Variants in ARAP2 observed in about 807,000 individuals in gnomAD.
ARAP2 encodes arf-GAP with Rho-GAP domain, ANK repeat and PH domain-containing protein 2.
A neutral mutation model predicts 194.5 loss-of-function variants in ARAP2; 148 were observed. The observed-to-expected ratio is 0.76, with a 90% confidence interval of 0.67 to 0.87. The LOEUF is 0.87. Among genes scored for constraint, ARAP2 ranks in the 40% least tolerant of loss-of-function variants. ARAP2 has a pLI of 0.00. For synonymous variants in ARAP2, 695 were observed against 683.5 expected, an observed-to-expected ratio of 1.02 and a Z score of -0.26; for missense variants, 2,128 against 1,989.7, an observed-to-expected ratio of 1.07 and a Z score of -1.32.
chr4:36,169,283 G>A (rs571125283), intron 9 of ARAP2, among the ~76,000 whole-genome samples: 3 of 152,252 alleles, frequency 2.0e-5, no homozygotes, highest in Non-Finnish European at 4.4e-5. Flanking sequence ...TCTGACGGGG[G>A]CCTGGCCTGT....
intron 6 of ARAP2, among the ~76,000 whole-genome samples, chr4:36,202,857 A>G (rs1744697350): frequency 6.6e-6 from 1 of 152,224 alleles, no homozygotes; most frequent in Admixed American, 6.5e-5. Context: ...GGACAGTAAC[A>G]ATATCTAGAA....
intron 7 of ARAP2, 118 bp downstream of exon 7, chr4:36,193,460 C>T (rs530974800): frequency 5.4e-6 from 3 of 550,908 alleles, no homozygotes; most frequent in Admixed American, 3.9e-5. Context: ...TTAGTTGCAA[C>T]TTCAAATTCT....
At chr4:36,241,113 G>A (rs544139443) in intron 1 of ARAP2, among the ~76,000 whole-genome samples, 1 of 152,232 alleles carries the variant, frequency 6.6e-6, no homozygotes, top group South Asian at 2.1e-4. Flanking sequence ...GGATATCAGA[G>A]AATAATTTAT....
At chr4:36,192,506 T>C (rs1369798848) in intron 7 of ARAP2, among the ~76,000 whole-genome samples, 1 of 152,170 alleles carries the variant, frequency 6.6e-6, no homozygotes, top group Non-Finnish European at 1.5e-5. Flanking sequence ...AACAGTTTTA[T>C]GGCATGGAAG....
chr4:36,041,312 A>G (rs1473968943), intron 5 of ARAP2, among the ~76,000 whole-genome samples: 1 of 152,178 alleles, frequency 6.6e-6, no homozygotes, highest in Non-Finnish European at 1.5e-5. Flanking sequence ...GCATCAATAA[A>G]AAGCTTAAAC....
chr4:36,143,200 G>A (rs1356222957), intron 19 of ARAP2, among the ~76,000 whole-genome samples: 1 of 151,616 alleles, frequency 6.6e-6, no homozygotes, highest in Admixed American at 6.6e-5. Flanking sequence ...GGCATCTATT[G>A]TGCAGATTCT....
At position 36,105,117 on chromosome 4, in the gene ARAP2, C is replaced by T. The variant is rs146508511; in HGVS notation, c.4285+2448G>A. ...GGTGGATCACTTGAGGTCAGCAATT[C>T]GAGACCAGCCTGGCTAACATGGTGA... On this transcript the variant is annotated intron_variant, in intron 27 of 32. Transcript: ENST00000303965. Among the ~76,000 whole-genome samples, 545 of 152,050 alleles carry T rather than the reference C, an allele frequency of 3.6e-3. 2 individuals carry two copies. Among genetic ancestry groups the T allele is most frequent in the Non-Finnish European group, 5.1e-3 (349 of 67,948 alleles).
chr4:36,133,506 T>C (rs770972043), intron 19 of ARAP2, 117 bp from the exon 20 acceptor site: 23 of 917,608 alleles, frequency 2.5e-5, no homozygotes, highest in Non-Finnish European at 1.6e-6. Flanking sequence ...TTCTTTTATC[T>C]CATCCACCAC....
In ARAP2 at chr4:36,227,898, G is replaced by GC. The variant is rs1750670970; in HGVS notation, c.905+683_905+684insG. Among the ~76,000 whole-genome samples, 3 of 152,100 alleles carry GC rather than the reference G, an allele frequency of 2.0e-5. No homozygotes were observed. In the South Asian group the frequency reaches 6.2e-4, roughly 32 times the overall value. On this transcript the variant is annotated intron_variant, in intron 2 of 32. Coordinates refer to ENST00000303965, the MANE Select transcript of ARAP2 (RefSeq NM_015230.4). The stretch of plus-strand genomic sequence containing the variant: ...GCTATAAATTACCTCCTCCCAAACT[G>GC]TTTAGGTAATCCTCCTGTGACCTCA...
rs746130468 is a variant in ARAP2, at chr4:36,210,408, TC to T, written c.1468del (p.Asp490IlefsTer16). The T allele has an allele frequency of 1.2e-6, 2 of 1,611,382 alleles. No homozygotes were observed. The highest frequency in any genetic ancestry group is 1.7e-6 in the Non-Finnish European group (2 of 1,178,864). Reference protein sequence around the residue: ...SAKKVKSGWLDKLSPQGKRMF... With the variant: ...SAKKVKSGWLXKLSPQGKRMF... ...TACATACCCTTGAGGAGAGAGTTTATCCAGCCATCCTGATTTAACCTTCTTT... is the reference window on the plus strand; with the variant it reads ...TACATACCCTTGAGGAGAGAGTTTATCAGCCATCCTGATTTAACCTTCTTT... On this transcript the variant is annotated frameshift_variant, in exon 6 of 33. Coordinates refer to ENST00000303965, the MANE Select transcript of ARAP2 (RefSeq NM_015230.4). LOFTEE classifies it high-confidence loss of function.
Position 36,134,306 on chromosome 4 carries a change from C to T in ARAP2, c.3264-917G>A, listed in dbSNP as rs185163739. Among the ~76,000 whole-genome samples the T allele has an allele frequency of 1.8e-3, 270 of 151,772 alleles. 3 individuals carry two copies. Among genetic ancestry groups the T allele is most frequent in the African/African-American group, 6.1e-3 (254 of 41,472 alleles). ...GCTCTCCCATACCAAGCTTCTGGCA[C>T]CAAAAATTTTCCACGTACCCCACGA... is the stretch of plus-strand genomic sequence containing the variant. On this transcript the variant is annotated intron_variant, in intron 19 of 32. Transcript: ENST00000303965.
intron 5 of ARAP2, among the ~76,000 whole-genome samples, chr4:36,043,793 GAGAA>G (rs1721267286): frequency 9.6e-6 from 1 of 104,600 alleles, no homozygotes; most frequent in Non-Finnish European, 1.9e-5. Flanking sequence ...AAGAAGAGAA[GAGAA>G]GGGAAGGGAA....
At chr4:36,014,314 GAAA>G (rs1560264856) in intron 8 of ARAP2, among the ~76,000 whole-genome samples, 7 of 63,468 alleles carry the variant, frequency 1.1e-4, no homozygotes, top group African/African-American at 3.8e-4. Context: ...AGGAAGGAAA[GAAA>G]GAAAGAGAGA....
chr4:36,030,575 G>A (rs544934462), intron 5 of ARAP2, among the ~76,000 whole-genome samples: 40 of 152,006 alleles, frequency 2.6e-4, no homozygotes, highest in Admixed American at 1.7e-3. Context: ...ATTAAAAATC[G>A]TCATTCTCTC....
At chr4:36,194,585 A>G (rs909937940) in intron 6 of ARAP2, among the ~76,000 whole-genome samples, 4 of 152,236 alleles carry the variant, frequency 2.6e-5, no homozygotes, top group African/African-American at 4.8e-5. Flanking sequence ...GACAATAGAA[A>G]AAGAACTTCA....
Position 36,147,763 on chromosome 4 carries a change from A to G in ARAP2, c.3001-17T>C. 6.3e-7 allele frequency: 1 copy of G among 1,582,866 alleles called. No homozygotes were observed. Among genetic ancestry groups the G allele is most frequent in the Non-Finnish European group, 8.6e-7 (1 of 1,164,716 alleles). Reference sequence around the variant, plus strand: ...AACAAAATGCTGTTAAAACAAATACAAAAAAGTAATAAAGACAGTGAAAAT... The same window carrying G: ...AACAAAATGCTGTTAAAACAAATACGAAAAAGTAATAAAGACAGTGAAAAT... On this transcript the variant is annotated splice_polypyrimidine_tract_variant and intron_variant, in intron 17 of 32. Transcript: ENST00000303965.
At position 36,083,401 on chromosome 4, in the gene ARAP2, C is replaced by A. The variant is rs199670262; in HGVS notation, c.4475G>T (p.Arg1492Leu). Residue 1492 changes from arginine (R) to leucine (L), a missense_variant, in exon 29 of 33, where the codon CGT becomes CTT. Physicochemically the swap from Arg to Leu is moderately radical, Grantham distance 102. Transcript: ENST00000303965. ...AGGCTTCATTTTCTTTTTCACTCCA[C>A]GATAAAACTTCATGGAACTGAGAGA... ...MFSLSSMKFY[R>L]GVKKKMKPPT... The A allele has an allele frequency of 6.8e-6, 11 of 1,608,566 alleles. No individual in the cohort carries two copies. The highest frequency in any genetic ancestry group is 3.3e-4 in the Middle Eastern group (2 of 6,040).
intron 5 of ARAP2, among the ~76,000 whole-genome samples, chr4:36,029,416 C>T (rs1041771609): frequency 1.3e-5 from 2 of 151,970 alleles, no homozygotes; most frequent in African/African-American, 2.4e-5. Context: ...AAGATTAAAA[C>T]ACCTGTTTCC....
At chr4:36,189,144 C>G (rs1256502175) in intron 7 of ARAP2, among the ~76,000 whole-genome samples, 1 of 152,126 alleles carries the variant, frequency 6.6e-6, no homozygotes, top group African/African-American at 2.4e-5. Context: ...CAACCTTATA[C>G]AGAAAAGAGA....
Sources: gnomAD v4.1 joint callset for allele counts (sites outside exome capture counted in the v4.1 genomes callset) on GRCh38, gnomAD v4.1.1 for gene constraint, MANE v1.5 for transcripts, NCBI Gene and HGNC (gene_info 2026-07-23, HGNC 2026-07-21) for gene names.